NEGR1: variants seen among roughly 807,000 people sequenced by gnomAD.
NEGR1 encodes the protein neuronal growth regulator 1, also known as IgLON family member 4.
A neutral mutation model predicts 40.9 loss-of-function variants in NEGR1; 10 were observed. The ratio of observed to expected loss-of-function variants is 0.24; its 90% CI spans 0.15 to 0.42. The LOEUF (loss-of-function observed/expected upper bound fraction) is 0.42. Ranked by LOEUF, NEGR1 falls within the 10% of genes least tolerant of loss-of-function variation. NEGR1 has a pLI of 1.00. For missense variants in NEGR1, 352 were observed against 438.9 expected, an observed-to-expected ratio of 0.80 and a Z score of 1.77; for synonymous variants, 185 against 166.8, an observed-to-expected ratio of 1.11 and a Z score of -0.84.
At chr1:71,799,831 G>A (rs1347423194) in intron 2 of NEGR1, among the ~76,000 whole-genome samples, 1 of 151,998 alleles carries the variant, frequency 6.6e-6, no homozygotes, top group Non-Finnish European at 1.5e-5. Flanking sequence ...TCTTGCCTCA[G>A]CCTCCTGAGT....
intron 6 of NEGR1, among the ~76,000 whole-genome samples, chr1:71,584,227 C>A (rs371618419): frequency 2.9e-4 from 44 of 152,250 alleles, no homozygotes; most frequent in African/African-American, 9.9e-4. Context: ...TGAGGACATG[C>A]CATTTTCAGT....
chr1:72,216,046 A>G (rs1020624936), intron 1 of NEGR1, among the ~76,000 whole-genome samples: 67 of 151,982 alleles, frequency 4.4e-4, no homozygotes, highest in African/African-American at 1.5e-3. Context: ...GGATGAGTTC[A>G]TGTCGTTTGC....
In NEGR1 at chr1:71,405,742, A is replaced by G. The variant is rs1646274207; in HGVS notation, c.*1704T>C. 1.3e-5 allele frequency: 2 copies of G among 151,846 alleles called. No homozygotes were observed. Among genetic ancestry groups the G allele is most frequent in the African/African-American group, 4.8e-5 (2 of 41,392 alleles). 9.4% of individuals were successfully genotyped at this position (151,846 alleles called of 1,614,324 possible). A position where few individuals can be genotyped will look rare whatever the true frequency, so the allele number is the denominator to read the frequency against. ...TCCCTGCTAGGGCAACATACTAGATATCTCAAATATGTATAACCACTGCAA... is the reference window on the plus strand; with the variant it reads ...TCCCTGCTAGGGCAACATACTAGATGTCTCAAATATGTATAACCACTGCAA... On this transcript the variant is annotated 3_prime_UTR_variant, in exon 7 of 7. Transcript: ENST00000357731.
At chr1:71,707,453 T>C (rs1382854640) in intron 3 of NEGR1, among the ~76,000 whole-genome samples, 1 of 152,150 alleles carries the variant, frequency 6.6e-6, no homozygotes, top group African/African-American at 2.4e-5. Flanking sequence ...AACTGTGTCT[T>C]TCAGTTTGAG....
chr1:71,508,194 G>A (rs1374692606), intron 6 of NEGR1, among the ~76,000 whole-genome samples: 2 of 152,048 alleles, frequency 1.3e-5, no homozygotes, highest in African/African-American at 4.8e-5. Flanking sequence ...ATTAAAACTT[G>A]GAAAGAAGAC....
At chr1:71,439,197 G>A (rs1054111241) in intron 6 of NEGR1, among the ~76,000 whole-genome samples, 2 of 152,000 alleles carry the variant, frequency 1.3e-5, no homozygotes, top group African/African-American at 4.8e-5. Flanking sequence ...GGGTGTAATA[G>A]ATTCTGAATA....
At chr1:72,034,763 G>A (rs555872904) in intron 1 of NEGR1, among the ~76,000 whole-genome samples, 1 of 152,210 alleles carries the variant, frequency 6.6e-6, no homozygotes, top group Admixed American at 6.5e-5. Flanking sequence ...CCATAATACA[G>A]GAGTTATTAA....
intron 2 of NEGR1, among the ~76,000 whole-genome samples, chr1:71,909,117 A>G (rs1323428407): frequency 1.3e-5 from 2 of 152,144 alleles, no homozygotes; most frequent in African/African-American, 4.8e-5. Context: ...GAGTCTTTCA[A>G]AACAATTAAG....
intron 6 of NEGR1, among the ~76,000 whole-genome samples, chr1:71,499,691 C>T (rs1646987355): frequency 6.6e-6 from 1 of 151,822 alleles, no homozygotes; most frequent in Non-Finnish European, 1.5e-5. Flanking sequence ...CCACATGATC[C>T]TTCTTAACCT....
At chr1:72,233,612 G>A (rs146604508) in intron 1 of NEGR1, among the ~76,000 whole-genome samples, 3 of 152,034 alleles carry the variant, frequency 2.0e-5, no homozygotes, top group Non-Finnish European at 4.4e-5. Context: ...ATGTTGCTGC[G>A]AAGGACAAGA....
chr1:71,773,627 T>A (rs1656404372), intron 3 of NEGR1, among the ~76,000 whole-genome samples: 1 of 152,190 alleles, frequency 6.6e-6, no homozygotes, highest in South Asian at 2.1e-4. Context: ...TGAATTTGAA[T>A]GTAGATCATT....
At chr1:71,903,581 A>C (rs182667337) in intron 2 of NEGR1, among the ~76,000 whole-genome samples, 1 of 152,000 alleles carries the variant, frequency 6.6e-6, no homozygotes, top group African/African-American at 2.4e-5. Flanking sequence ...ACATTTAATC[A>C]TGTGACAACA....
intron 1 of NEGR1, among the ~76,000 whole-genome samples, chr1:72,035,824 T>C (rs1646897057): frequency 6.6e-6 from 1 of 152,180 alleles, no homozygotes. Flanking sequence ...ATTTTACATA[T>C]GAGTAAATAG....
intron 2 of NEGR1, among the ~76,000 whole-genome samples, chr1:71,850,027 C>T (rs1659551425): frequency 6.6e-6 from 1 of 152,098 alleles, no homozygotes; most frequent in African/African-American, 2.4e-5. Flanking sequence ...CCAAATATGC[C>T]TGTATGTATA....
intron 4 of NEGR1, among the ~76,000 whole-genome samples, chr1:71,668,142 A>G (rs1027991521): frequency 1.3e-5 from 2 of 152,174 alleles, no homozygotes; most frequent in African/African-American, 4.8e-5. Context: ...CCTGATAGGA[A>G]TATCTTTTTT....
chr1:72,008,894 C>T (rs948652537), intron 1 of NEGR1, among the ~76,000 whole-genome samples: 3 of 151,822 alleles, frequency 2.0e-5, no homozygotes, highest in African/African-American at 7.3e-5. Flanking sequence ...TCAGAAATTA[C>T]TTTAGTGGGA....
chr1:72,249,982 G>A (rs1655030640), intron 1 of NEGR1, among the ~76,000 whole-genome samples: 1 of 152,122 alleles, frequency 6.6e-6, no homozygotes, highest in Admixed American at 6.5e-5. Flanking sequence ...CTAGTTTTAT[G>A]TTTTAACTTG....
Position 71,999,632 on chromosome 1 carries a change from AATATATATATATATATATAT to A in NEGR1, c.177-64341_177-64322del, listed in dbSNP as rs528857972. The stretch of plus-strand genomic sequence containing the variant: ...ATGTATTTGCATCTTGAGCAAAGCA[AATATATATATATATATATAT>A]ATATATATATATATATATATATATA... On this transcript the variant is annotated intron_variant, in intron 1 of 6. Coordinates refer to ENST00000357731, the MANE Select transcript of NEGR1 (RefSeq NM_173808.3). Among the ~76,000 whole-genome samples the A allele has an allele frequency of 5.7e-3, 275 of 48,358 alleles. 9 individuals are homozygous for A. Among genetic ancestry groups the A allele is most frequent in the Middle Eastern group, 9.4e-3 (1 of 106 alleles). 31.7% of individuals were successfully genotyped at this position (48,358 alleles called of 152,430 possible).
intron 2 of NEGR1, among the ~76,000 whole-genome samples, chr1:71,864,948 G>T (rs1209779347): frequency 6.6e-6 from 1 of 152,122 alleles, no homozygotes; most frequent in Non-Finnish European, 1.5e-5. Context: ...GAAGAAGAAA[G>T]GGAATGTATA....
Sources: gnomAD v4.1 joint callset for allele counts (sites outside exome capture counted in the v4.1 genomes callset) on GRCh38, gnomAD v4.1.1 for gene constraint, MANE v1.5 for transcripts, NCBI Gene and HGNC (gene_info 2026-07-23, HGNC 2026-07-21) for gene names.